SLC25A13: variants seen among roughly 807,000 people sequenced by gnomAD.
The protein encoded by SLC25A13 is electrogenic aspartate/glutamate antiporter SLC25A13, mitochondrial.
SLC25A13 carries 70 observed loss-of-function variants against 85.5 expected under a neutral mutation model. That is an observed-to-expected ratio of 0.82 (90% CI 0.68 to 1.00). The LOEUF is 1.00. SLC25A13 is among the 50% of genes least tolerant of loss of function. The pLI, the probability that SLC25A13 is intolerant of heterozygous loss-of-function variation, is 0.00. For missense variants in SLC25A13, 765 were observed against 819.8 expected (o/e 0.93, Z 0.82); for synonymous variants, 259 against 288.7 (o/e 0.90, Z 1.04).
intron 5 of SLC25A13, among the ~76,000 whole-genome samples, chr7:96,202,351 CTA>C (rs1795290556): frequency 6.6e-6 from 1 of 152,150 alleles, no homozygotes; most frequent in African/African-American, 2.4e-5. Context: ...CAGAGTAAAA[CTA>C]TGATAAAATA....
chr7:96,149,907 G>GC (rs1792962787), intron 13 of SLC25A13, among the ~76,000 whole-genome samples: 1 of 152,158 alleles, frequency 6.6e-6, no homozygotes, highest in African/African-American at 2.4e-5. Flanking sequence ...CACCTATTGT[G>GC]CACAATGTCT....
At chr7:96,302,161 G>A (rs1419280242) in intron 1 of SLC25A13, among the ~76,000 whole-genome samples, 2 of 152,112 alleles carry the variant, frequency 1.3e-5, no homozygotes, top group Non-Finnish European at 2.9e-5. Flanking sequence ...TACTAGGTAG[G>A]TACATCCTAG....
At chr7:96,299,924 T>C (rs1799490817) in intron 1 of SLC25A13, among the ~76,000 whole-genome samples, 1 of 152,198 alleles carries the variant, frequency 6.6e-6, no homozygotes, top group South Asian at 2.1e-4. Flanking sequence ...AAATATGGTT[T>C]TAAAAGATAA....
intron 1 of SLC25A13, among the ~76,000 whole-genome samples, chr7:96,308,939 A>C (rs1799858129): frequency 6.6e-6 from 1 of 152,182 alleles, no homozygotes; most frequent in Non-Finnish European, 1.5e-5. Context: ...CCACAAATGG[A>C]TTAACTGAAA....
intron 3 of SLC25A13, among the ~76,000 whole-genome samples, chr7:96,237,624 G>T (rs1477070663): frequency 6.6e-6 from 1 of 152,190 alleles, no homozygotes; most frequent in Non-Finnish European, 1.5e-5. Context: ...ATGAGATGTG[G>T]GAGACAGCCT....
At chr7:96,304,094 T>A (rs1022039262) in intron 1 of SLC25A13, among the ~76,000 whole-genome samples, 1 of 152,118 alleles carries the variant, frequency 6.6e-6, no homozygotes, top group Admixed American at 6.6e-5. Flanking sequence ...AAAATAATTT[T>A]TTATTGAAAC....
chr7:96,210,011 C>A (rs1475962597), intron 4 of SLC25A13, among the ~76,000 whole-genome samples: 2 of 152,080 alleles, frequency 1.3e-5, no homozygotes, highest in Non-Finnish European at 2.9e-5. Context: ...CTGAAAAGTG[C>A]CAAAACCTTT....
intron 2 of SLC25A13, among the ~76,000 whole-genome samples, chr7:96,279,567 C>G (rs1457835276): frequency 6.6e-6 from 1 of 152,108 alleles, no homozygotes; most frequent in African/African-American, 2.4e-5. Flanking sequence ...TTCACTACTA[C>G]GAGAACAGTA....
intron 3 of SLC25A13, among the ~76,000 whole-genome samples, chr7:96,270,392 C>T (rs994371229): frequency 1.3e-5 from 2 of 152,146 alleles, no homozygotes; most frequent in East Asian, 3.9e-4. Flanking sequence ...ACTGTCTCTA[C>T]TAAAAATACA....
At chr7:96,150,005 A>G (rs1385006985) in intron 13 of SLC25A13, among the ~76,000 whole-genome samples, 1 of 152,028 alleles carries the variant, frequency 6.6e-6, no homozygotes, top group East Asian at 1.9e-4. Flanking sequence ...TCATTTCCCT[A>G]TGACTTACTG....
chr7:96,302,770 A>G (rs1209859264), intron 1 of SLC25A13, among the ~76,000 whole-genome samples: 1 of 152,228 alleles, frequency 6.6e-6, no homozygotes, highest in African/African-American at 2.4e-5. Context: ...CAAAGTGTGG[A>G]GACCATCAGC....
chr7:96,312,931 C>T (rs1799999918), intron 1 of SLC25A13, among the ~76,000 whole-genome samples: 1 of 152,200 alleles, frequency 6.6e-6, no homozygotes, highest in Admixed American at 6.5e-5. Flanking sequence ...TTTGCCACAT[C>T]CAATTCAGGC....
intron 15 of SLC25A13, among the ~76,000 whole-genome samples, chr7:96,125,936 T>C (rs1791710600): frequency 6.6e-6 from 1 of 152,160 alleles, no homozygotes; most frequent in Admixed American, 6.5e-5. Flanking sequence ...TTAATTATAT[T>C]AATTAATTAT....
intron 1 of SLC25A13, 105 bp from the exon 2 acceptor site, chr7:96,297,056 T>A: frequency 9.6e-7 from 1 of 1,041,684 alleles, no homozygotes; most frequent in Non-Finnish European, 1.5e-6. Context: ...GTGCATTTCA[T>A]TTTTGTACTT....
chr7:96,192,981 T>C (rs1029897378), intron 6 of SLC25A13, 56 bp downstream of exon 6: 1 of 1,578,442 alleles, frequency 6.3e-7, no homozygotes, highest in African/African-American at 1.3e-5. Flanking sequence ...AGAATTGTTT[T>C]TATAATTCCT....
In SLC25A13 at chr7:96,321,935, C is replaced by T. The variant is rs768665384; in HGVS notation, c.15+7G>A. The T allele has an allele frequency of 1.3e-6, 2 of 1,536,442 alleles. No homozygotes were observed. On this transcript the variant is annotated splice_region_variant and intron_variant, in intron 1 of 17. Transcript: ENST00000265631. ...CGCGCTCCCCCCGGCCTCGGGCCCG[C>T]GGTTACCTTGGCGGCCGCCATGATT... is the stretch of plus-strand genomic sequence containing the variant.
chr7:96,129,982 TTAGAG>T (rs1277504356), intron 15 of SLC25A13, among the ~76,000 whole-genome samples: 7 of 152,238 alleles, frequency 4.6e-5, no homozygotes, highest in African/African-American at 7.2e-5. Flanking sequence ...AGCAATTATC[TTAGAG>T]TAGTGAAATA....
chr7:96,184,904 T>G, intron 10 of SLC25A13, 23 bp downstream of exon 10: 1 of 1,592,782 alleles, frequency 6.3e-7, no homozygotes. Context: ...AAAGTGAAAA[T>G]TTTTCTCTCA....
intron 2 of SLC25A13, among the ~76,000 whole-genome samples, chr7:96,286,513 C>T (rs1001358573): frequency 2.0e-5 from 3 of 152,074 alleles, no homozygotes; most frequent in African/African-American, 7.2e-5. Context: ...TACTCATCTT[C>T]GAGCGTAATT....
Sources: allele counts gnomAD v4.1 joint callset (sites outside exome capture counted in the v4.1 genomes callset), GRCh38; gene constraint gnomAD v4.1.1; transcripts MANE v1.5; gene names NCBI Gene and HGNC (gene_info 2026-07-23, HGNC 2026-07-21).